The following HNRNPR variants were observed in gnomAD, a reference collection of about 807,000 sequenced individuals.
The protein encoded by HNRNPR is heterogeneous nuclear ribonucleoprotein R.
A neutral mutation model predicts 70.3 loss-of-function variants in HNRNPR; 4 were observed. The ratio of observed to expected loss-of-function variants is 0.06; its 90% CI spans 0.03 to 0.13. The LOEUF is 0.13. HNRNPR is among the 10% of genes least tolerant of loss of function. The probability of loss-of-function intolerance (pLI) is 1.00; values close to 1 mark genes in which losing one functional copy is unlikely to be tolerated. For synonymous variants in HNRNPR, 241 were observed against 267.6 expected, an observed-to-expected ratio of 0.90 and a Z score of 0.97; for missense variants, 423 against 788.5, an observed-to-expected ratio of 0.54 and a Z score of 5.55.
chr1:23,343,468 G>C (rs892717619), intron 1 of HNRNPR, among the ~76,000 whole-genome samples: 1 of 152,198 alleles, frequency 6.6e-6, no homozygotes. Flanking sequence ...AACCTTCCAA[G>C]AAGCCCTGGG....
Position 23,310,936 on chromosome 1 carries a change from AATC to A in HNRNPR, c.1417_1419del (p.Asp473del). On this transcript the variant is annotated inframe_deletion, in exon 11 of 11. Transcript: ENST00000302271. This position sits in a 1 kb window ranked among gnomAD's most constrained non-coding sequence, Gnocchi z 6.0. ...TAGTCGTGATAATCATAACCATAGT[AATC>A]ATCATAGTAATCTTCATAGCCGTAG... The A allele has an allele frequency of 6.2e-7, 1 of 1,614,110 alleles. No homozygotes were observed. Among genetic ancestry groups the A allele is most frequent in the Non-Finnish European group, 8.5e-7 (1 of 1,180,028 alleles).
In HNRNPR at chr1:23,318,750, C is replaced by T; in HGVS notation, c.812-62G>A. On this transcript the variant is annotated intron_variant, in intron 7 of 10. Transcript: ENST00000302271. The surrounding 1 kb of genome is among the most constrained non-coding windows in gnomAD (Gnocchi z 4.2). Reference sequence around the variant, plus strand: ...ATCCACCACACATCTAGCGATTAGGCAGACCTAAATCCACTTGACGATGAG... The same window carrying T: ...ATCCACCACACATCTAGCGATTAGGTAGACCTAAATCCACTTGACGATGAG... The T allele has an allele frequency of 6.5e-7, 1 of 1,534,178 alleles. No individual in the cohort carries two copies. The highest frequency in any genetic ancestry group is 9.0e-7 in the Non-Finnish European group (1 of 1,117,084).
chr1:23,334,329 C>T (rs1445236564), intron 4 of HNRNPR, among the ~76,000 whole-genome samples: 4 of 151,476 alleles, frequency 2.6e-5, no homozygotes, highest in African/African-American at 9.7e-5. Flanking sequence ...CTCCGCCTCC[C>T]AGGTTCACGC....
In HNRNPR at chr1:23,309,383, A is replaced by G. The variant is rs770253497; in HGVS notation, c.*1071T>C. The G allele has an allele frequency of 2.6e-5, 4 of 152,150 alleles. No homozygotes were observed. Among genetic ancestry groups the G allele is most frequent in the Admixed American group, 6.5e-5 (1 of 15,274 alleles). 9.4% of individuals were successfully genotyped at this position (152,150 alleles called of 1,614,324 possible). A position where few individuals can be genotyped will look rare whatever the true frequency, so the allele number is the denominator to read the frequency against. On this transcript the variant is annotated 3_prime_UTR_variant, in exon 11 of 11. Coordinates refer to ENST00000302271, the MANE Select transcript of HNRNPR (RefSeq NM_005826.5). ...GTATGTACATTCACTTATCCAGCAA[A>G]TAAGGTCTTCAGTCACAAATTATCC...
At chr1:23,343,175 T>C (rs1247945114) in intron 1 of HNRNPR, among the ~76,000 whole-genome samples, 1 of 152,120 alleles carries the variant, frequency 6.6e-6, no homozygotes, top group Non-Finnish European at 1.5e-5. Flanking sequence ...CTGGAGTCAT[T>C]TGATCTAAAC....
chr1:23,338,109 G>C, intron 3 of HNRNPR: 1 of 394,948 alleles, frequency 2.5e-6, no homozygotes, highest in Non-Finnish European at 4.5e-6. Flanking sequence ...ATATGTGACT[G>C]TATCTAGACT....
At chr1:23,335,653 G>A (rs1646443226) in intron 4 of HNRNPR, among the ~76,000 whole-genome samples, 1 of 152,078 alleles carries the variant, frequency 6.6e-6, no homozygotes, top group African/African-American at 2.4e-5. Flanking sequence ...AATGCTTGAA[G>A]ATCTGTCACC....
chr1:23,318,168 T>A lies in HNRNPR; in HGVS notation c.1017+315A>T, dbSNP rs2806553. Among the ~76,000 whole-genome samples the A allele has an allele frequency of 0.089, 12,673 of 142,318 alleles. 1,668 individuals carry two copies. The highest frequency in any genetic ancestry group is 0.29 in the African/African-American group (11,551 of 39,756). 93.4% of individuals were successfully genotyped at this position (142,318 alleles called of 152,430 possible). On this transcript the variant is annotated intron_variant, in intron 8 of 10. Coordinates refer to ENST00000302271, the MANE Select transcript of HNRNPR (RefSeq NM_005826.5). The surrounding 1 kb of genome is among the most constrained non-coding windows in gnomAD (Gnocchi z 4.2). ...TACTTCTCTCTTTACTCAGGACTTTTAAAAAAAAAAAAAACCTCTATCCCT... is the reference window on the plus strand; with the variant it reads ...TACTTCTCTCTTTACTCAGGACTTTAAAAAAAAAAAAAAACCTCTATCCCT...
chr1:23,305,426 CAT>C lies in HNRNPR; in HGVS notation c.*5026_*5027del, dbSNP rs1645188941. ...AAACTTACAAGTAAGGGTTTATATT[CAT>C]GACACTGACTAGCACATTTAACATC... On this transcript the variant is annotated 3_prime_UTR_variant, in exon 11 of 11. Transcript: ENST00000302271. The C allele has an allele frequency of 6.6e-6, 1 of 152,128 alleles. No homozygotes were observed. The highest frequency in any genetic ancestry group is 1.5e-5 in the Non-Finnish European group (1 of 68,016). 9.4% of individuals were successfully genotyped at this position (152,128 alleles called of 1,614,324 possible). A position where few individuals can be genotyped will look rare whatever the true frequency, so the allele number is the denominator to read the frequency against.
intron 5 of HNRNPR, among the ~76,000 whole-genome samples, chr1:23,323,997 A>C (rs898084954): frequency 6.6e-6 from 1 of 152,050 alleles, no homozygotes; most frequent in Non-Finnish European, 1.5e-5. Context: ...AATTTTTATA[A>C]CTTGACTTTT....
At chr1:23,327,995 C>CAAAAAAAA (rs11345105) in intron 5 of HNRNPR, among the ~76,000 whole-genome samples, 6 of 118,732 alleles carry the variant, frequency 5.1e-5, no homozygotes, top group South Asian at 2.9e-4. Context: ...GACTCTGTCT[C>CAAAAAAAA]AAAAAAAAAA....
chr1:23,326,561 G>C (rs764637634), intron 5 of HNRNPR, among the ~76,000 whole-genome samples: 6 of 152,124 alleles, frequency 3.9e-5, no homozygotes, highest in Non-Finnish European at 7.3e-5. Flanking sequence ...GAGACGGGCG[G>C]AATACTTGAG....
intron 5 of HNRNPR, among the ~76,000 whole-genome samples, chr1:23,330,376 A>G (rs997414948): frequency 6.6e-6 from 1 of 152,100 alleles, no homozygotes; most frequent in Non-Finnish European, 1.5e-5. Flanking sequence ...CTCTCCTAAA[A>G]ATACAAAAAT....
chr1:23,337,654 C>CA (rs372423149), intron 4 of HNRNPR, 100 bp downstream of exon 4: 94,784 of 592,658 alleles, frequency 0.16, 14 homozygotes, highest in East Asian at 0.2. Flanking sequence ...GACTCCGTCT[C>CA]AAAAAAAAAA....
Position 23,317,415 on chromosome 1 carries a change from G to A in HNRNPR, c.1017+1068C>T, listed in dbSNP as rs534161812. On this transcript the variant is annotated intron_variant, in intron 8 of 10. Transcript: ENST00000302271. ...AGAGCTTGCCGTGAGTGGAGATCGC[G>A]CCACTGCACTCCAGCCTGGGACAAA... Among the ~76,000 whole-genome samples, 9 of 151,872 alleles carry A rather than the reference G, an allele frequency of 5.9e-5. 1 individual carries two copies. The South Asian group carries it at 1.5e-3, about 25-fold the overall frequency.
At chr1:23,316,872 TAA>T in intron 8 of HNRNPR, among the ~76,000 whole-genome samples, 1 of 152,326 alleles carries the variant, frequency 6.6e-6, no homozygotes, top group African/African-American at 2.4e-5. Flanking sequence ...GAATATGAGA[TAA>T]AAGATACTGA....
chr1:23,336,009 C>T (rs934073115), intron 4 of HNRNPR, among the ~76,000 whole-genome samples: 6 of 141,990 alleles, frequency 4.2e-5, no homozygotes, highest in East Asian at 2.1e-4. Flanking sequence ...CCCAGCTACT[C>T]GGGAGGCTGA....
rs886373862 is a variant in HNRNPR, at chr1:23,320,399, G to A, written c.811+1129C>T. ...AATGTAATCTGGATATGGTGGAGCT[G>A]AAGTAAAGGACTAAAGATGAGGTAG... On this transcript the variant is annotated intron_variant, in intron 7 of 10. Transcript: ENST00000302271. Among the ~76,000 whole-genome samples the A allele has an allele frequency of 2.6e-5, 4 of 152,170 alleles. No individual in the cohort carries two copies. The East Asian group carries it at 7.7e-4, about 29-fold the overall frequency.
At chr1:23,314,335 T>G (rs1000284889) in intron 8 of HNRNPR, among the ~76,000 whole-genome samples, 36 of 152,088 alleles carry the variant, frequency 2.4e-4, no homozygotes, top group Non-Finnish European at 2.9e-5. Context: ...ACCTTATGAC[T>G]TAAAATCTAG....
Sources: gnomAD v4.1 joint callset for allele counts (sites outside exome capture counted in the v4.1 genomes callset) on GRCh38, gnomAD v4.1.1 for gene constraint, Gnocchi (gnomAD v3.1) non-coding constraint, MANE v1.5 for transcripts, NCBI Gene and HGNC (gene_info 2026-07-23, HGNC 2026-07-21) for gene names.